The following RTN2 variants were observed in gnomAD, a reference collection of about 807,000 sequenced individuals.
RTN2 encodes reticulon-2.
RTN2 carries 36 observed loss-of-function variants against 63.7 expected under a neutral mutation model. The ratio of observed to expected loss-of-function variants is 0.56; its 90% CI spans 0.43 to 0.75. RTN2 has a LOEUF of 0.75. Among genes scored for constraint, RTN2 ranks in the 30% least tolerant of loss-of-function variants. The probability of loss-of-function intolerance (pLI) is 0.00; values close to 1 mark genes in which losing one functional copy is unlikely to be tolerated. For synonymous variants in RTN2, 312 were observed against 313.0 expected (o/e 1.00, Z 0.03); for missense variants, 673 against 705.1 (o/e 0.95, Z 0.52).
In RTN2 at chr19:45,485,304, G is replaced by C. The variant is rs1363492082; in HGVS notation, c.*404C>G. 2 of 180,578 alleles carry C rather than the reference G, an allele frequency of 1.1e-5. No homozygotes were observed. Among genetic ancestry groups the C allele is most frequent in the Non-Finnish European group, 2.4e-5 (2 of 84,340 alleles). 11.2% of individuals were successfully genotyped at this position (180,578 alleles called of 1,614,324 possible). ...ACAAGAGGCCTCGGGTTTTCCACAGGAGTCTTTATTACAGTGTAAATCCAA... is the reference window on the plus strand; with the variant it reads ...ACAAGAGGCCTCGGGTTTTCCACAGCAGTCTTTATTACAGTGTAAATCCAA... On this transcript the variant is annotated 3_prime_UTR_variant, in exon 11 of 11. Transcript: ENST00000245923.
In RTN2 at chr19:45,493,203, G is replaced by A. The variant is rs1334521003; in HGVS notation, c.990C>T (p.Ser330=). ...LLKWAKSPRS[S]GVPSLSLGAD... is the part of the protein sequence containing the mutation. Reference sequence around the variant, plus strand: ...CTCCGAGTGAGAGGCTGGGGACACCGCTGCTTCTCGGGGATTTTGCCCACT... The same window carrying A: ...CTCCGAGTGAGAGGCTGGGGACACCACTGCTTCTCGGGGATTTTGCCCACT... The change falls in exon 5 of 11, where the codon AGC becomes AGT. Residue 330 remains serine (S), a synonymous_variant. Coordinates refer to ENST00000245923, the MANE Select transcript of RTN2 (RefSeq NM_005619.5). 2.5e-6 allele frequency: 4 copies of A among 1,613,130 alleles called. No homozygotes were observed. Among genetic ancestry groups the A allele is most frequent in the East Asian group, 4.5e-5 (2 of 44,886 alleles).
Position 45,488,406 on chromosome 19 carries a change from T to C in RTN2, c.1497+65A>G, listed in dbSNP as rs1437350218. The C allele has an allele frequency of 1.9e-6, 3 of 1,553,802 alleles. No individual in the cohort carries two copies. The South Asian group carries it at 3.6e-5, about 19-fold the overall frequency. ...ACATCTGTCAATGGGACCCCGGTTC[T>C]GGAAGGAGATGGTCAGACCCCCATG... is the stretch of plus-strand genomic sequence containing the variant. On this transcript the variant is annotated intron_variant, in intron 9 of 10. Coordinates refer to ENST00000245923, the MANE Select transcript of RTN2 (RefSeq NM_005619.5).
chr19:45,492,662 C>A (rs1299971019), intron 5 of RTN2, among the ~76,000 whole-genome samples: 1 of 152,224 alleles, frequency 6.6e-6, no homozygotes, highest in Non-Finnish European at 1.5e-5. Context: ...CTGACCCCTC[C>A]GACCGGTCCC....
rs916419695 is a variant in RTN2 at position 45,492,259 on chromosome 19, C to A, written c.1033+901G>T. ...CTGACCAGTGACCTTTGTACCCCAA[C>A]CTTCATCTCATCTGTCTAAACTTTA... is the stretch of plus-strand genomic sequence containing the variant. On this transcript the variant is annotated intron_variant, in intron 5 of 10. Transcript: ENST00000245923. Among the ~76,000 whole-genome samples, 10 of 152,278 alleles carry A rather than the reference C, an allele frequency of 6.6e-5. No homozygotes were observed. In the East Asian group the frequency reaches 1.5e-3, roughly 24 times the overall value.
At chr19:45,489,923 G>A (rs1044380044) in intron 5 of RTN2, among the ~76,000 whole-genome samples, 1 of 152,102 alleles carries the variant, frequency 6.6e-6, no homozygotes, top group Admixed American at 6.6e-5. Context: ...CTGGCCTCAA[G>A]TTATCCTCCT....
At chr19:45,492,263 C>T (rs947857675) in intron 5 of RTN2, among the ~76,000 whole-genome samples, 1 of 152,170 alleles carries the variant, frequency 6.6e-6, no homozygotes, top group Non-Finnish European at 1.5e-5. Context: ...CCCCAACCTT[C>T]ATCTCATCTG....
At chr19:45,490,543 G>GTGTC in intron 5 of RTN2, among the ~76,000 whole-genome samples, 1 of 115,424 alleles carries the variant, frequency 8.7e-6, no homozygotes, top group Non-Finnish European at 2.0e-5. Flanking sequence ...GTCTGTGTGT[G>GTGTC]TGTGTGTGTG....
rs1207559386 is a variant in RTN2 at position 45,485,626 on chromosome 19, G to A, written c.*82C>T. On this transcript the variant is annotated 3_prime_UTR_variant, in exon 11 of 11. Coordinates refer to ENST00000245923, the MANE Select transcript of RTN2 (RefSeq NM_005619.5). ...AAAGGCTCGGGCCGAGGAGGGGGGT[G>A]GGTGGGAACGGACAAGAGATGGAGG... is the stretch of plus-strand genomic sequence containing the variant. 2 of 1,116,986 alleles carry A rather than the reference G, an allele frequency of 1.8e-6. No individual in the cohort carries two copies. The highest frequency in any genetic ancestry group is 1.5e-5 in the African/African-American group (1 of 65,492). The allele number at this position is 1,116,986 out of a possible 1,614,324, so 69.2% of individuals were successfully genotyped here. A position where few individuals can be genotyped will look rare whatever the true frequency, so the allele number is the denominator to read the frequency against.
At position 45,485,377 on chromosome 19, in the gene RTN2, G is replaced by C; in HGVS notation, c.*331C>G. ...ATGCAAAGCCCCGGCGTTGGGGCTAGTAGCATCCAGGAGACACCAACGCCT... is the reference window on the plus strand; with the variant it reads ...ATGCAAAGCCCCGGCGTTGGGGCTACTAGCATCCAGGAGACACCAACGCCT... On this transcript the variant is annotated 3_prime_UTR_variant, in exon 11 of 11. Transcript: ENST00000245923. 1 of 338,778 alleles carries C rather than the reference G, an allele frequency of 3.0e-6. No homozygotes were observed. Among genetic ancestry groups the C allele is most frequent in the Non-Finnish European group, 5.6e-6 (1 of 180,092 alleles). 21.0% of individuals were successfully genotyped at this position (338,778 alleles called of 1,614,324 possible).
rs1968288912 is a variant in RTN2 at position 45,497,028 on chromosome 19, C to CGA, written c.-205_-204dup. Reference sequence around the variant, plus strand: ...TCGGCTCGGCGGGGGCGGGCGGGGCCGAGGTGGGGAAGGCACTGCAGCGCG... The same window carrying CGA: ...TCGGCTCGGCGGGGGCGGGCGGGGCCGAGAGGTGGGGAAGGCACTGCAGCGCG... On this transcript the variant is annotated 5_prime_UTR_variant, in exon 1 of 11. Coordinates refer to ENST00000245923, the MANE Select transcript of RTN2 (RefSeq NM_005619.5). 1 of 231,416 alleles carries CGA rather than the reference C, an allele frequency of 4.3e-6. No homozygotes were observed. The highest frequency in any genetic ancestry group is 8.1e-6 in the Non-Finnish European group (1 of 124,078). The allele number at this position is 231,416 out of a possible 1,614,324, so 14.3% of individuals were successfully genotyped here. A position where few individuals can be genotyped will look rare whatever the true frequency, so the allele number is the denominator to read the frequency against.
Position 45,496,972 on chromosome 19 carries a change from G to GCCT in RTN2, c.-148_-147insAGG. ...CTCCCGGGCTGCTCCAGCCGCCGCC[G>GCCT]CCGCCGCCGCCGCCGCCGCCGCCCT... On this transcript the variant is annotated 5_prime_UTR_variant, in exon 1 of 11. Transcript: ENST00000245923. 1 of 295,590 alleles carries GCCT rather than the reference G, an allele frequency of 3.4e-6. No individual in the cohort carries two copies. Among genetic ancestry groups the GCCT allele is most frequent in the Non-Finnish European group, 5.7e-6 (1 of 174,318 alleles). 18.3% of individuals were successfully genotyped at this position (295,590 alleles called of 1,614,324 possible). A position where few individuals can be genotyped will look rare whatever the true frequency, so the allele number is the denominator to read the frequency against.
At chr19:45,496,739 A>G in intron 1 of RTN2, 53 bp downstream of exon 1, 4 of 1,287,064 alleles carry the variant, frequency 3.1e-6, no homozygotes, top group South Asian at 1.6e-5. Flanking sequence ...ACCGGGGAGT[A>G]CCCCACCTGA....
intron 5 of RTN2, among the ~76,000 whole-genome samples, chr19:45,490,879 G>GGTTT (rs772336510): frequency 2.1e-5 from 3 of 144,936 alleles, no homozygotes; most frequent in Non-Finnish European, 4.5e-5. Flanking sequence ...GCCTGACCTT[G>GGTTT]GTTTGTTTGT....
chr19:45,489,323 G>A (rs1461467269), intron 6 of RTN2, 23 bp downstream of exon 6: 1 of 1,548,820 alleles, frequency 6.5e-7, no homozygotes, highest in Admixed American at 2.0e-5. Context: ...CAGGGGCTCA[G>A]GTCAGGGGCC....
rs952419394 is a variant in RTN2 at position 45,485,518 on chromosome 19, G to A, written c.*190C>T. The A allele has an allele frequency of 8.8e-5, 52 of 593,162 alleles. No individual in the cohort carries two copies. The highest frequency in any genetic ancestry group is 1.1e-4 in the Non-Finnish European group (37 of 332,116). The allele number at this position is 593,162 out of a possible 1,614,324, so 36.7% of individuals were successfully genotyped here. On this transcript the variant is annotated 3_prime_UTR_variant, in exon 11 of 11. Transcript: ENST00000245923. ...TCGTCTTTCCTGGACTCCTGGAGCA[G>A]AGCCTCTTGGGAAATGTAGTCCTGG...
chr19:45,495,252 T>C, intron 1 of RTN2, 113 bp from the exon 2 acceptor site: 1 of 1,250,050 alleles, frequency 8.0e-7, no homozygotes, highest in Non-Finnish European at 1.1e-6. Context: ...TAGAACATTC[T>C]GCACACAGAC....
intron 5 of RTN2, among the ~76,000 whole-genome samples, chr19:45,490,892 G>T (rs372536714): frequency 0.017 from 2,174 of 129,480 alleles, 54 homozygotes; most frequent in African/African-American, 0.06. Context: ...TTGTTTGTTT[G>T]TTTTTTTTTT....
chr19:45,496,790 A>G lies in RTN2; in HGVS notation c.34+2T>C. ...ACCAGGCCCCAGTCTTCCTCTACTC[A>G]CTGCAGTGGGCGAAGACCGGCAGGA... On this transcript the variant is annotated splice_donor_variant, in intron 1 of 10. Coordinates refer to ENST00000245923, the MANE Select transcript of RTN2 (RefSeq NM_005619.5). LOFTEE classifies it high-confidence loss of function. 1 of 1,516,726 alleles carries G rather than the reference A, an allele frequency of 6.6e-7. No homozygotes were observed. The highest frequency in any genetic ancestry group is 1.4e-5 in the African/African-American group (1 of 70,302). The allele number at this position is 1,516,726 out of a possible 1,614,324, so 94.0% of individuals were successfully genotyped here.
rs1968087109 is a variant in RTN2 at position 45,488,845 on chromosome 19, C to T, written c.1380+3G>A. ...CCAGGAGGGGCTGAGAGCTCCAGGCCACCTTGAGGGAATCCACGAGGTCTT... is the reference window on the plus strand; with the variant it reads ...CCAGGAGGGGCTGAGAGCTCCAGGCTACCTTGAGGGAATCCACGAGGTCTT... On this transcript the variant is annotated splice_donor_region_variant and intron_variant, in intron 7 of 10. Coordinates refer to ENST00000245923, the MANE Select transcript of RTN2 (RefSeq NM_005619.5). 1 of 1,601,682 alleles carries T rather than the reference C, an allele frequency of 6.2e-7. No homozygotes were observed. Among genetic ancestry groups the T allele is most frequent in the Non-Finnish European group, 8.5e-7 (1 of 1,175,112 alleles).
Sources: allele counts gnomAD v4.1 joint callset (sites outside exome capture counted in the v4.1 genomes callset), GRCh38; gene constraint gnomAD v4.1.1; transcripts MANE v1.5; gene names NCBI Gene and HGNC (gene_info 2026-07-23, HGNC 2026-07-21).